The following HNRNPA1 variants were observed in gnomAD, a reference collection of about 807,000 sequenced individuals.
HNRNPA1 encodes the protein heterogeneous nuclear ribonucleoprotein A1.
HNRNPA1 carries 7 observed loss-of-function variants against 44.4 expected under a neutral mutation model. That is an observed-to-expected ratio of 0.16 (90% CI 0.09 to 0.30). The LOEUF is 0.30. HNRNPA1 is among the 10% of genes least tolerant of loss of function. HNRNPA1 has a pLI of 1.00. For missense variants in HNRNPA1, 193 were observed against 465.8 expected, an observed-to-expected ratio of 0.41 and a Z score of 5.39; for synonymous variants, 169 against 160.6, an observed-to-expected ratio of 1.05 and a Z score of -0.40.
chr12:54,281,716 C>G, intron 2 of HNRNPA1, 79 bp from the exon 3 acceptor site: 2 of 1,429,440 alleles, frequency 1.4e-6, no homozygotes, highest in East Asian at 2.4e-5. Context: ...GTAAAGTTTC[C>G]TATTGCCCTA....
At chr12:54,283,264 G>A in intron 8 of HNRNPA1, 30 bp downstream of exon 8, 1 of 1,606,340 alleles carries the variant, frequency 6.2e-7, no homozygotes, top group Admixed American at 1.7e-5. Context: ...AGTACTTGGT[G>A]TGACAGCTAG....
rs1057422162 is a variant in HNRNPA1, at chr12:54,280,937, G to T, written c.15+115G>T. On this transcript the variant is annotated intron_variant, in intron 1 of 10. Coordinates refer to ENST00000340913, the MANE Select transcript of HNRNPA1 (RefSeq NM_031157.4). Reference sequence around the variant, plus strand: ...CCATTCTACAGTTCCTTCGGTCGCTGCCACGGCCTACCCCTCCCAAAGTTC... The same window carrying T: ...CCATTCTACAGTTCCTTCGGTCGCTTCCACGGCCTACCCCTCCCAAAGTTC... The T allele has an allele frequency of 9.5e-6, 11 of 1,158,610 alleles. No homozygotes were observed. The African/African-American group carries it at 1.4e-4, about 14-fold the overall frequency. The allele number at this position is 1,158,610 out of a possible 1,614,324, so 71.8% of individuals were successfully genotyped here.
intron 7 of HNRNPA1, 45 bp from the exon 8 acceptor site, chr12:54,283,034 T>C (rs767567701): frequency 1.2e-5 from 19 of 1,599,722 alleles, no homozygotes; most frequent in South Asian, 5.6e-5. Context: ...CAAGTTTTCA[T>C]TGTCAAATAC....
chr12:54,282,732 C>T (rs980276676), intron 6 of HNRNPA1, 67 bp downstream of exon 6: 32 of 1,586,754 alleles, frequency 2.0e-5, no homozygotes, highest in African/African-American at 1.2e-4. Flanking sequence ...TTTTACAGTA[C>T]GGGAACTGCA....
At chr12:54,282,698 T>C in intron 6 of HNRNPA1, 33 bp downstream of exon 6, 1 of 1,598,766 alleles carries the variant, frequency 6.3e-7, no homozygotes, top group Non-Finnish European at 8.6e-7. Context: ...TAGTTCTGAC[T>C]TCTCACCATC....
In HNRNPA1 at chr12:54,286,851, T is replaced by G. The variant is rs1944270763; in HGVS notation, c.*2307T>G. ...AATCTCATCCAATTGCAAAAAGAGT[T>G]ATTAGCCAACCAGGTATTCCCAGTA... On this transcript the variant is annotated 3_prime_UTR_variant, in exon 11 of 11. Transcript: ENST00000340913. 1 of 152,210 alleles carries G rather than the reference T, an allele frequency of 6.6e-6. No individual in the cohort carries two copies. The highest frequency in any genetic ancestry group is 1.5e-5 in the Non-Finnish European group (1 of 68,034). The allele number at this position is 152,210 out of a possible 1,614,324, so 9.4% of individuals were successfully genotyped here.
At position 54,283,731 on chromosome 12, in the gene HNRNPA1, A is replaced by G. The variant is rs1192939098; in HGVS notation, c.908-81A>G. 14 of 1,387,146 alleles carry G rather than the reference A, an allele frequency of 1.0e-5. No individual in the cohort carries two copies. The East Asian group carries it at 3.2e-4, about 32-fold the overall frequency. The allele number at this position is 1,387,146 out of a possible 1,614,324, so 85.9% of individuals were successfully genotyped here. On this transcript the variant is annotated intron_variant, in intron 8 of 10. Coordinates refer to ENST00000340913, the MANE Select transcript of HNRNPA1 (RefSeq NM_031157.4). ...AAAGGAAGGCTGATAACTCAACCTT[A>G]TTTTATTCTGACTGCTAAACAGAAT...
Position 54,284,737 on chromosome 12 carries a change from C to A in HNRNPA1, c.*193C>A. ...ACTGTATTTGTGACTAATTGTATAACAGGTTATTTTAGTTTCTGTTCTGTG... is the reference window on the plus strand; with the variant it reads ...ACTGTATTTGTGACTAATTGTATAAAAGGTTATTTTAGTTTCTGTTCTGTG... On this transcript the variant is annotated 3_prime_UTR_variant, in exon 11 of 11. Coordinates refer to ENST00000340913, the MANE Select transcript of HNRNPA1 (RefSeq NM_031157.4). 4 of 411,388 alleles carry A rather than the reference C, an allele frequency of 9.7e-6. No individual in the cohort carries two copies. Among genetic ancestry groups the A allele is most frequent in the South Asian group, 7.4e-5 (4 of 53,974 alleles). 25.5% of individuals were successfully genotyped at this position (411,388 alleles called of 1,614,324 possible).
At chr12:54,283,053 T>TA (rs1248865850) in intron 7 of HNRNPA1, 26 bp from the exon 8 acceptor site, 1 of 1,610,044 alleles carries the variant, frequency 6.2e-7, no homozygotes, top group East Asian at 2.2e-5. Flanking sequence ...ACTTTTGTCT[T>TA]ATTGAGAAGA....
chr12:54,281,320 C>G (rs889289997), intron 1 of HNRNPA1, 66 bp from the exon 2 acceptor site: 1 of 903,590 alleles, frequency 1.1e-6, no homozygotes, highest in Non-Finnish European at 1.8e-6. Context: ...TCTAGTTTTT[C>G]TTTTCCTCGA....
At chr12:54,282,052 G>A (rs767042740) in intron 3 of HNRNPA1, 38 bp from the exon 4 acceptor site, 3 of 1,604,380 alleles carry the variant, frequency 1.9e-6, no homozygotes, top group South Asian at 1.1e-5. Flanking sequence ...TCGAGTATAG[G>A]CTTTGCTAAT....
intron 8 of HNRNPA1, 38 bp from the exon 9 acceptor site, chr12:54,283,774 C>G: frequency 1.3e-6 from 2 of 1,595,352 alleles, no homozygotes; most frequent in Non-Finnish European, 1.7e-6. Flanking sequence ...TAACATCATC[C>G]TCAGGTAACA....
In HNRNPA1 at chr12:54,286,853, T is replaced by C. The variant is rs1229257986; in HGVS notation, c.*2309T>C. On this transcript the variant is annotated 3_prime_UTR_variant, in exon 11 of 11. Transcript: ENST00000340913. ...TCTCATCCAATTGCAAAAAGAGTTA[T>C]TAGCCAACCAGGTATTCCCAGTAGT... is the stretch of plus-strand genomic sequence containing the variant. 2 of 152,336 alleles carry C rather than the reference T, an allele frequency of 1.3e-5. No individual in the cohort carries two copies. Among genetic ancestry groups the C allele is most frequent in the Middle Eastern group, 3.4e-3 (1 of 294 alleles). The allele number at this position is 152,336 out of a possible 1,614,324, so 9.4% of individuals were successfully genotyped here.
At chr12:54,283,007 C>T in intron 7 of HNRNPA1, 72 bp from the exon 8 acceptor site, 1 of 1,556,562 alleles carries the variant, frequency 6.4e-7, no homozygotes, top group African/African-American at 1.4e-5. Context: ...AGCAGGCCTT[C>T]AGCCGTTACA....
In HNRNPA1 at chr12:54,282,637, C is replaced by G. The variant is rs777176018; in HGVS notation, c.648C>G (p.Phe216Leu). The change falls in exon 6 of 11, where the codon TTC becomes TTG. Residue 216 changes from phenylalanine (F) to leucine (L), a missense_variant. Transcript: ENST00000340913. ...GTGGTTTCGGTGGGAATGACAACTT[C>G]GGTCGTGGAGGAAACTTCAGTGGTC... Reference protein sequence around the residue: ...RGGGFGGNDNFGRGGNFSGRG... With the variant: ...RGGGFGGNDNLGRGGNFSGRG... The G allele has an allele frequency of 1.2e-5, 20 of 1,613,494 alleles. No individual in the cohort carries two copies. The highest frequency in any genetic ancestry group is 1.7e-5 in the Non-Finnish European group (20 of 1,179,744).
rs7976669 is a variant in HNRNPA1, at chr12:54,281,011, C to T, written c.15+189C>T. 1,162 of 724,714 alleles carry T rather than the reference C, an allele frequency of 1.6e-3. 5 individuals carry two copies. In the African/African-American group the frequency reaches 0.017, roughly 11 times the overall value. 44.9% of individuals were successfully genotyped at this position (724,714 alleles called of 1,614,324 possible). On this transcript the variant is annotated intron_variant, in intron 1 of 10. Transcript: ENST00000340913. ...TCGCCATGAGGCCGCTCTCCGCCAACCATGAGTTATCATGCGGGACTCGTT... is the reference window on the plus strand; with the variant it reads ...TCGCCATGAGGCCGCTCTCCGCCAATCATGAGTTATCATGCGGGACTCGTT...
Position 54,286,329 on chromosome 12 carries a change from C to T in HNRNPA1, c.*1785C>T, listed in dbSNP as rs1047649051. 5 of 152,104 alleles carry T rather than the reference C, an allele frequency of 3.3e-5. No homozygotes were observed. Among genetic ancestry groups the T allele is most frequent in the African/African-American group, 1.2e-4 (5 of 41,394 alleles). 9.4% of individuals were successfully genotyped at this position (152,104 alleles called of 1,614,324 possible). ...TTACATCCATATAGTTACTTAAAGT[C>T]CAGTTTTCTGTTAAACATTTTTCTT... is the stretch of plus-strand genomic sequence containing the variant. On this transcript the variant is annotated 3_prime_UTR_variant, in exon 11 of 11. Transcript: ENST00000340913.
rs1944241673 is a variant in HNRNPA1 at position 54,285,003 on chromosome 12, G to GT, written c.*460dup. On this transcript the variant is annotated 3_prime_UTR_variant, in exon 11 of 11. Transcript: ENST00000340913. ...TGGAATTTATATACAACCTGCTTGG[G>GT]TGGAGAAGCCATTGTCTTCGGAAAC... 5.1e-6 allele frequency: 1 copy of GT among 197,590 alleles called. No homozygotes were observed. Among genetic ancestry groups the GT allele is most frequent in the African/African-American group, 2.4e-5 (1 of 42,204 alleles). 12.2% of individuals were successfully genotyped at this position (197,590 alleles called of 1,614,324 possible).
At position 54,285,733 on chromosome 12, in the gene HNRNPA1, A is replaced by G. The variant is rs1399273953; in HGVS notation, c.*1189A>G. ...TAATATCCAATAATGTGTTATTTGT[A>G]CATAGATTCTTTTGAGCCTTACCTT... On this transcript the variant is annotated 3_prime_UTR_variant, in exon 11 of 11. Coordinates refer to ENST00000340913, the MANE Select transcript of HNRNPA1 (RefSeq NM_031157.4). 2 of 152,176 alleles carry G rather than the reference A, an allele frequency of 1.3e-5. No individual in the cohort carries two copies. The highest frequency in any genetic ancestry group is 1.5e-5 in the Non-Finnish European group (1 of 68,038). 9.4% of individuals were successfully genotyped at this position (152,176 alleles called of 1,614,324 possible). A position where few individuals can be genotyped will look rare whatever the true frequency, so the allele number is the denominator to read the frequency against.
Sources: gnomAD v4.1 joint callset for allele counts on GRCh38, gnomAD v4.1.1 for gene constraint, MANE v1.5 for transcripts, NCBI Gene and HGNC (gene_info 2026-07-23, HGNC 2026-07-21) for gene names.